Variants in MB21D2 observed in about 807,000 individuals in gnomAD.
MB21D2 encodes the protein Mab-21 domain containing 2.
In MB21D2, 9 loss-of-function variants were observed where a neutral mutation model predicts 33.3. That is an observed-to-expected ratio of 0.27 (90% CI 0.16 to 0.47). The LOEUF (loss-of-function observed/expected upper bound fraction) is 0.47, where lower values mean the gene tolerates loss of function less well. Among genes scored for constraint, MB21D2 ranks in the 20% least tolerant of loss-of-function variants. The pLI is 0.99. For synonymous variants in MB21D2, 241 were observed against 236.3 expected, an observed-to-expected ratio of 1.02 and a Z score of -0.18; for missense variants, 540 against 624.6, an observed-to-expected ratio of 0.86 and a Z score of 1.44.
intron 1 of MB21D2, among the ~76,000 whole-genome samples, chr3:192,851,968 T>G (rs1239494496): frequency 6.6e-6 from 1 of 152,156 alleles, no homozygotes; most frequent in Non-Finnish European, 1.5e-5. Flanking sequence ...CTAGGAAACA[T>G]CAACAAAGAC....
At position 192,799,685 on chromosome 3, in the gene MB21D2, A is replaced by G. The variant is rs1345002779; in HGVS notation, c.212-35T>C. 2 of 1,581,076 alleles carry G rather than the reference A, an allele frequency of 1.3e-6. No homozygotes were observed. Among genetic ancestry groups the G allele is most frequent in the Admixed American group, 1.8e-5 (1 of 55,102 alleles). ...AAGAAGAAAAAAACAACACTATTAC[A>G]GGAAACACAGACATAAGAGTCTTAT... On this transcript the variant is annotated intron_variant, in intron 1 of 1. Transcript: ENST00000392452. This position sits in a 1 kb window ranked among gnomAD's most constrained non-coding sequence, Gnocchi z 4.1.
chr3:192,903,572 A>G (rs1714146327), intron 1 of MB21D2, among the ~76,000 whole-genome samples: 1 of 152,176 alleles, frequency 6.6e-6, no homozygotes, highest in Non-Finnish European at 1.5e-5. Context: ...CTTTGGGCAA[A>G]TTACTTAACC....
intron 1 of MB21D2, among the ~76,000 whole-genome samples, chr3:192,841,561 C>T (rs1171407816): frequency 6.6e-6 from 1 of 152,158 alleles, no homozygotes; most frequent in African/African-American, 2.4e-5. Context: ...GCCTCACAGG[C>T]GAGCTTGGAA....
At chr3:192,908,430 C>T (rs1468222503) in intron 1 of MB21D2, among the ~76,000 whole-genome samples, 1 of 150,154 alleles carries the variant, frequency 6.7e-6, no homozygotes, top group African/African-American at 2.4e-5. Flanking sequence ...ACAGAGTCTC[C>T]CTCTGTCGCC....
intron 1 of MB21D2, among the ~76,000 whole-genome samples, chr3:192,864,716 A>G (rs902737635): frequency 2.0e-5 from 3 of 152,110 alleles, no homozygotes; most frequent in African/African-American, 7.2e-5. Flanking sequence ...CATGTTGGCC[A>G]GGCTGGTCTC....
chr3:192,866,104 T>C (rs373454485), intron 1 of MB21D2, among the ~76,000 whole-genome samples: 14 of 151,520 alleles, frequency 9.2e-5, no homozygotes, highest in African/African-American at 3.4e-4. Flanking sequence ...AATGATGAAA[T>C]GAACTCATCA....
intron 1 of MB21D2, among the ~76,000 whole-genome samples, chr3:192,888,695 A>G (rs1713785700): frequency 6.6e-6 from 1 of 152,108 alleles, no homozygotes; most frequent in South Asian, 2.1e-4. Context: ...CGAGGTGAGC[A>G]CGAAGCAGTT....
Position 192,798,928 on chromosome 3 carries a change from C to A in MB21D2, c.934G>T (p.Ala312Ser), listed in dbSNP as rs1720584253. ...ISSSLMQAYQ[A>S]CKAIIIKLLS... ...AGTTTAATGATGATGGCTTTGCAGG[C>A]CTGATAGGCCTGCATGAGGCTGCTG... Residue 312 changes from alanine (A) to serine (S), a missense_variant, in exon 2 of 2, where the codon GCC becomes TCC. Coordinates refer to ENST00000392452, the MANE Select transcript of MB21D2 (RefSeq NM_178496.4). The surrounding 1 kb of genome is among the most constrained non-coding windows in gnomAD (Gnocchi z 4.8). 1 of 1,613,704 alleles carries A rather than the reference C, an allele frequency of 6.2e-7. No individual in the cohort carries two copies. The highest frequency in any genetic ancestry group is 8.5e-7 in the Non-Finnish European group (1 of 1,179,904).
chr3:192,915,507 C>T (rs1714442924), intron 1 of MB21D2, among the ~76,000 whole-genome samples: 1 of 152,082 alleles, frequency 6.6e-6, no homozygotes, highest in Admixed American at 6.5e-5. Context: ...CTTCTAGTGT[C>T]CAGAGGGGCA....
chr3:192,870,731 A>AAGGAAG (rs1276071873), intron 1 of MB21D2, among the ~76,000 whole-genome samples: 1,400 of 132,784 alleles, frequency 0.011, 18 homozygotes, highest in African/African-American at 0.035. Context: ...GAAGGAGAGA[A>AAGGAAG]GAAGGAAGGA....
At chr3:192,838,545 C>T (rs941265118) in intron 1 of MB21D2, among the ~76,000 whole-genome samples, 69 of 151,954 alleles carry the variant, frequency 4.5e-4, no homozygotes, top group African/African-American at 1.6e-3. Context: ...TCTCCTGCCT[C>T]GGCCTCCCGA....
At chr3:192,861,983 C>T (rs1445486768) in intron 1 of MB21D2, among the ~76,000 whole-genome samples, 1 of 152,140 alleles carries the variant, frequency 6.6e-6, no homozygotes, top group African/African-American at 2.4e-5. Context: ...CACACAAGAG[C>T]CAAGCCTTGG....
intron 1 of MB21D2, among the ~76,000 whole-genome samples, chr3:192,831,880 G>A (rs1287894679): frequency 6.6e-6 from 1 of 152,226 alleles, no homozygotes. Context: ...ACCACAGCTT[G>A]AGAAGGGGAA....
intron 1 of MB21D2, among the ~76,000 whole-genome samples, chr3:192,895,040 C>T (rs1208516622): frequency 6.6e-6 from 1 of 152,158 alleles, no homozygotes; most frequent in East Asian, 1.9e-4. Context: ...ACATAACCAG[C>T]CAGTCCTACA....
At chr3:192,841,495 T>C (rs1712571238) in intron 1 of MB21D2, among the ~76,000 whole-genome samples, 1 of 152,222 alleles carries the variant, frequency 6.6e-6, no homozygotes, top group African/African-American at 2.4e-5. Context: ...TGACATGATG[T>C]TGAGTAGCGC....
At chr3:192,802,267 G>A (rs563379790) in intron 1 of MB21D2, among the ~76,000 whole-genome samples, 2 of 152,280 alleles carry the variant, frequency 1.3e-5, no homozygotes, top group Admixed American at 6.5e-5. Context: ...TGGCTGTGGC[G>A]AATGATGCGC....
Position 192,856,901 on chromosome 3 carries a change from C to G in MB21D2, c.212-57251G>C, listed in dbSNP as rs553428178. Among the ~76,000 whole-genome samples the G allele has an allele frequency of 1.7e-4, 26 of 152,194 alleles. 1 individual carries two copies. In the South Asian group the frequency reaches 4.8e-3, roughly 28 times the overall value. On this transcript the variant is annotated intron_variant, in intron 1 of 1. Transcript: ENST00000392452. ...CTCTTATCTACTAATTATCTTCTGT[C>G]TGTTTGAGATCTAAGCATAGTAACT... is the stretch of plus-strand genomic sequence containing the variant.
rs375985511 is a variant in MB21D2, at chr3:192,886,021, C to T, written c.211+31609G>A. 1.3e-3 allele frequency among the ~76,000 whole-genome samples: 199 copies of T among 152,140 alleles called. 3 individuals are homozygous for T. In the South Asian group the frequency reaches 0.018, roughly 14 times the overall value. On this transcript the variant is annotated intron_variant, in intron 1 of 1. Transcript: ENST00000392452. The stretch of plus-strand genomic sequence containing the variant: ...TGTCGCCCAGGCTGCAGTACAGTGG[C>T]GCGATCTCGGCTGACTGCAACCTCC...
intron 1 of MB21D2, among the ~76,000 whole-genome samples, chr3:192,831,060 G>A (rs1712304288): frequency 2.6e-5 from 4 of 152,190 alleles, no homozygotes; most frequent in South Asian, 4.1e-4. Context: ...AATGAGGGTT[G>A]GTCTGTGTGG....
Sources: gnomAD v4.1 joint callset for allele counts (sites outside exome capture counted in the v4.1 genomes callset) on GRCh38, gnomAD v4.1.1 for gene constraint, Gnocchi (gnomAD v3.1) non-coding constraint, MANE v1.5 for transcripts, NCBI Gene and HGNC (gene_info 2026-07-23, HGNC 2026-07-21) for gene names.